Variants in FOCAD observed in about 807,000 individuals in gnomAD.
The protein encoded by FOCAD is KIAA1797.
FOCAD carries 198 observed loss-of-function variants against 225.6 expected under a neutral mutation model. The ratio of observed to expected loss-of-function variants is 0.88; its 90% CI spans 0.78 to 0.99. The LOEUF is 0.99. FOCAD is among the 50% of genes least tolerant of loss of function. The pLI, the probability that FOCAD is intolerant of heterozygous loss-of-function variation, is 0.00. For synonymous variants in FOCAD, 897 were observed against 755.0 expected, an observed-to-expected ratio of 1.19 and a Z score of -3.08; for missense variants, 2,713 against 2,123.6, an observed-to-expected ratio of 1.28 and a Z score of -5.46.
intron 15 of FOCAD, among the ~76,000 whole-genome samples, chr9:20,844,331 TA>T (rs1484575250): frequency 2.1e-5 from 3 of 144,234 alleles, no homozygotes; most frequent in African/African-American, 7.6e-5. Flanking sequence ...GACATGGTTC[TA>T]ACCCTCAGGA....
At chr9:20,871,046 T>C (rs1166234150) in intron 18 of FOCAD, among the ~76,000 whole-genome samples, 1 of 151,822 alleles carries the variant, frequency 6.6e-6, no homozygotes, top group Non-Finnish European at 1.5e-5. Flanking sequence ...CAACTAAAAA[T>C]ACAAGAACTA....
chr9:20,817,808 C>T (rs1017449540), intron 11 of FOCAD, among the ~76,000 whole-genome samples: 2 of 152,016 alleles, frequency 1.3e-5, no homozygotes, highest in African/African-American at 2.4e-5. Flanking sequence ...TGGGTTGTTT[C>T]CACTTTTTGG....
At chr9:20,697,465 C>A (rs1823471328) in intron 1 of FOCAD, among the ~76,000 whole-genome samples, 1 of 152,224 alleles carries the variant, frequency 6.6e-6, no homozygotes, top group African/African-American at 2.4e-5. Context: ...TGTAATCTCT[C>A]ACTGCCTAAC....
At chr9:20,828,802 G>C (rs936554229) in intron 15 of FOCAD, among the ~76,000 whole-genome samples, 1 of 151,950 alleles carries the variant, frequency 6.6e-6, no homozygotes, top group African/African-American at 2.4e-5. Context: ...CCCCTCCCCT[G>C]ACAGTTCTTG....
chr9:20,705,098 G>A (rs926927627), intron 1 of FOCAD, among the ~76,000 whole-genome samples: 2 of 152,108 alleles, frequency 1.3e-5, no homozygotes, highest in Non-Finnish European at 2.9e-5. Flanking sequence ...AACTATCTCC[G>A]GGTTACTGTG....
chr9:20,765,161 G>A, intron 7 of FOCAD, 88 bp downstream of exon 7: 3 of 1,205,612 alleles, frequency 2.5e-6, no homozygotes, highest in Non-Finnish European at 3.4e-6. Context: ...GAACATAAGT[G>A]ATTTGGCAAA....
intron 21 of FOCAD, among the ~76,000 whole-genome samples, chr9:20,891,032 A>AAG (rs1831569393): frequency 6.6e-6 from 1 of 152,198 alleles, no homozygotes; most frequent in African/African-American, 2.4e-5. Flanking sequence ...TCTCTGTGTC[A>AAG]CATTTTGCTA....
At chr9:20,921,355 A>G (rs1013318690) in intron 24 of FOCAD, among the ~76,000 whole-genome samples, 1 of 152,190 alleles carries the variant, frequency 6.6e-6, no homozygotes, top group African/African-American at 2.4e-5. Flanking sequence ...TTGCCTAGAT[A>G]AATACTCTGT....
chr9:20,983,607 A>G (rs1840908548), intron 39 of FOCAD, among the ~76,000 whole-genome samples: 1 of 151,786 alleles, frequency 6.6e-6, no homozygotes, highest in Non-Finnish European at 1.5e-5. Context: ...GAATATCAAC[A>G]TTTTGGAAGT....
At chr9:20,733,375 C>G (rs991500173) in intron 4 of FOCAD, among the ~76,000 whole-genome samples, 2 of 151,930 alleles carry the variant, frequency 1.3e-5, no homozygotes, top group African/African-American at 4.8e-5. Flanking sequence ...TATTATTATA[C>G]TTTAAGTTTT....
chr9:20,872,537 CCCT>C (rs1319764279), intron 18 of FOCAD, among the ~76,000 whole-genome samples: 4 of 146,388 alleles, frequency 2.7e-5, no homozygotes, highest in South Asian at 2.3e-4. Context: ...CTTCCCCTCC[CCCT>C]CCTCCTCTTC....
At position 20,929,526 on chromosome 9, in the gene FOCAD, C is replaced by A. The variant is rs1564166419; in HGVS notation, c.3247C>A (p.Gln1083Lys). Residue 1083 changes from glutamine to lysine, a missense_variant, in exon 27 of 44, where the codon CAA becomes AAA. Physicochemically the swap from Gln to Lys is moderately conservative, Grantham distance 53. Transcript: ENST00000338382. ...TGGGAAACCAAGTGCTGATGAGTCTCAAGCCGTGCAAATCCACATGGGCCT... is the reference window on the plus strand; with the variant it reads ...TGGGAAACCAAGTGCTGATGAGTCTAAAGCCGTGCAAATCCACATGGGCCT... ...LPGKPSADESQAVQIHMGLAL... is the reference protein window; with the variant it reads ...LPGKPSADESKAVQIHMGLAL... The A allele has an allele frequency of 6.2e-7, 1 of 1,614,180 alleles. No individual in the cohort carries two copies. Among genetic ancestry groups the A allele is most frequent in the East Asian group, 2.2e-5 (1 of 44,886 alleles).
chr9:20,745,613 A>G lies in FOCAD; in HGVS notation c.392+5273A>G, dbSNP rs553655525. ...CATATTCATATTATGGCAATCTTTT[A>G]AAGATCTCTCTTCCCTCAGCTAAAG... is the stretch of plus-strand genomic sequence containing the variant. On this transcript the variant is annotated intron_variant, in intron 5 of 43. Coordinates refer to ENST00000338382, the MANE Select transcript of FOCAD (RefSeq NM_001375567.1). Among the ~76,000 whole-genome samples the G allele has an allele frequency of 2.6e-5, 4 of 152,224 alleles. No homozygotes were observed. The South Asian group carries it at 8.3e-4, about 32-fold the overall frequency.
At chr9:20,751,894 T>A (rs1022266273) in intron 5 of FOCAD, among the ~76,000 whole-genome samples, 3 of 144,554 alleles carry the variant, frequency 2.1e-5, no homozygotes, top group African/African-American at 7.6e-5. Context: ...TGATTTGCAT[T>A]TCTCTAAGGG....
intron 11 of FOCAD, among the ~76,000 whole-genome samples, chr9:20,796,046 T>C (rs1489004879): frequency 8.8e-5 from 13 of 147,928 alleles, no homozygotes; most frequent in Admixed American, 8.8e-4. Context: ...TTCCCACCTA[T>C]GAGTGAGAAC....
chr9:20,743,353 G>T lies in FOCAD; in HGVS notation c.392+3013G>T, dbSNP rs1053852214. On this transcript the variant is annotated intron_variant, in intron 5 of 43. Transcript: ENST00000338382. ...GTGTTTTTATGGTATTAAGCACTGT[G>T]CCAGTATTCAGCTGGGGCTTAAGTA... is the stretch of plus-strand genomic sequence containing the variant. Among the ~76,000 whole-genome samples the T allele has an allele frequency of 2.0e-5, 3 of 152,198 alleles. No individual in the cohort carries two copies. The East Asian group carries it at 5.8e-4, about 29-fold the overall frequency.
chr9:20,689,732 C>T (rs1200252996), intron 1 of FOCAD, among the ~76,000 whole-genome samples: 4 of 152,164 alleles, frequency 2.6e-5, no homozygotes, highest in Non-Finnish European at 4.4e-5. Context: ...ATAAGGGTGA[C>T]AGCGCTTCTC....
intron 41 of FOCAD, among the ~76,000 whole-genome samples, chr9:20,988,744 C>T (rs1336619288): frequency 6.6e-6 from 1 of 152,022 alleles, no homozygotes. Context: ...ACAGACAGAA[C>T]ACAAAGGACA....
At chr9:20,906,605 T>C (rs1406610540) in intron 21 of FOCAD, among the ~76,000 whole-genome samples, 1 of 152,078 alleles carries the variant, frequency 6.6e-6, no homozygotes, top group Non-Finnish European at 1.5e-5. Flanking sequence ...TTACCCACAC[T>C]GATTAAAGGC....
Sources: gnomAD v4.1 joint callset for allele counts (sites outside exome capture counted in the v4.1 genomes callset) on GRCh38, gnomAD v4.1.1 for gene constraint, MANE v1.5 for transcripts, NCBI Gene and HGNC (gene_info 2026-07-23, HGNC 2026-07-21) for gene names.